The following ESRRG variants were observed in gnomAD, a reference collection of about 807,000 sequenced individuals.
The protein encoded by ESRRG is estrogen-related receptor gamma.
ESRRG carries 13 observed loss-of-function variants against 44.0 expected under a neutral mutation model. The ratio of observed to expected loss-of-function variants is 0.30; its 90% CI spans 0.19 to 0.47. ESRRG has a LOEUF of 0.47. ESRRG is among the 20% of genes least tolerant of loss of function. The probability of loss-of-function intolerance (pLI) is 1.00; values close to 1 mark genes in which losing one functional copy is unlikely to be tolerated. For synonymous variants in ESRRG, 215 were observed against 214.6 expected, an observed-to-expected ratio of 1.00 and a Z score of -0.02; for missense variants, 395 against 580.6, an observed-to-expected ratio of 0.68 and a Z score of 3.29.
intron 1 of ESRRG, among the ~76,000 whole-genome samples, chr1:216,679,148 A>G (rs1445793051): frequency 6.6e-6 from 1 of 152,196 alleles, no homozygotes; most frequent in Non-Finnish European, 1.5e-5. Context: ...CCACGAAAAT[A>G]TCTTCGTACT....
At chr1:217,077,682 G>T (rs2091433678) in intron 1 of ESRRG, among the ~76,000 whole-genome samples, 1 of 152,176 alleles carries the variant, frequency 6.6e-6, no homozygotes, top group Non-Finnish European at 1.5e-5. Context: ...AAACCTCAGT[G>T]GAATGCTCTT....
intron 1 of ESRRG, among the ~76,000 whole-genome samples, chr1:217,069,637 G>T (rs552277258): frequency 2.6e-5 from 4 of 151,580 alleles, no homozygotes; most frequent in South Asian, 2.1e-4. Flanking sequence ...TCTTTTTCTG[G>T]TCCCCTATGC....
chr1:216,999,400 A>G (rs775025029), intron 1 of ESRRG, among the ~76,000 whole-genome samples: 18 of 152,226 alleles, frequency 1.2e-4, no homozygotes, highest in Non-Finnish European at 1.6e-4. Context: ...TCAATACATT[A>G]CATACATTAT....
chr1:216,515,166 G>A (rs1173859215), intron 6 of ESRRG, among the ~76,000 whole-genome samples: 3 of 152,008 alleles, frequency 2.0e-5, no homozygotes, highest in Admixed American at 2.0e-4. Flanking sequence ...ATTCTCAAAG[G>A]AGGTGAAATT....
intron 1 of ESRRG, among the ~76,000 whole-genome samples, chr1:217,051,024 C>T (rs997373627): frequency 6.6e-6 from 1 of 151,990 alleles, no homozygotes; most frequent in Admixed American, 6.6e-5. Flanking sequence ...TTTTTTAAGG[C>T]ATGCACATAG....
At chr1:216,576,351 T>A (rs1558597558) in intron 3 of ESRRG, among the ~76,000 whole-genome samples, 1 of 147,494 alleles carries the variant, frequency 6.8e-6, no homozygotes, top group South Asian at 2.2e-4. Flanking sequence ...TTTTTTTTTT[T>A]AAACAGAGTC....
At chr1:216,969,001 A>G (rs895052278) in intron 1 of ESRRG, among the ~76,000 whole-genome samples, 5 of 152,094 alleles carry the variant, frequency 3.3e-5, no homozygotes, top group African/African-American at 1.2e-4. Flanking sequence ...TTCTGCAAGG[A>G]ATTTTCTTCT....
chr1:216,838,931 G>T (rs1262636508), intron 2 of ESRRG, among the ~76,000 whole-genome samples: 2 of 152,152 alleles, frequency 1.3e-5, no homozygotes, highest in African/African-American at 4.8e-5. Flanking sequence ...GATTAGAGTG[G>T]TGGTTGCTGA....
intron 6 of ESRRG, among the ~76,000 whole-genome samples, chr1:216,510,367 A>T (rs2042344082): frequency 6.6e-6 from 1 of 152,204 alleles, no homozygotes; most frequent in Admixed American, 6.5e-5. Flanking sequence ...TATTAAGTCT[A>T]ACACCTAATA....
At chr1:216,741,790 A>G (rs1026894969) in intron 2 of ESRRG, among the ~76,000 whole-genome samples, 3 of 152,142 alleles carry the variant, frequency 2.0e-5, no homozygotes, top group Non-Finnish European at 2.9e-5. Flanking sequence ...AACCCTCTTG[A>G]TGTCAAAAAA....
chr1:217,096,246 C>T (rs367666044), intron 1 of ESRRG, among the ~76,000 whole-genome samples: 3 of 152,220 alleles, frequency 2.0e-5, no homozygotes, highest in East Asian at 1.9e-4. Context: ...TTTGAGATAG[C>T]GCATTCACTG....
intron 2 of ESRRG, among the ~76,000 whole-genome samples, chr1:216,762,843 A>G (rs891493196): frequency 2.0e-5 from 3 of 152,128 alleles, no homozygotes; most frequent in African/African-American, 7.2e-5. Flanking sequence ...CCCAAAGGAA[A>G]GGGAATACCA....
At chr1:217,133,562 G>A (rs993804198) in intron 1 of ESRRG, among the ~76,000 whole-genome samples, 1 of 152,194 alleles carries the variant, frequency 6.6e-6, no homozygotes, top group Non-Finnish European at 1.5e-5. Flanking sequence ...TTTTCAAACT[G>A]AACAAGGTGG....
In ESRRG at chr1:216,506,833, T is replaced by C. The variant is rs2041319730; in HGVS notation, c.*106A>G. 9 of 1,280,672 alleles carry C rather than the reference T, an allele frequency of 7.0e-6. No homozygotes were observed. The highest frequency in any genetic ancestry group is 4.7e-5 in the East Asian group (2 of 42,828). The allele number at this position is 1,280,672 out of a possible 1,614,324, so 79.3% of individuals were successfully genotyped here. A position where few individuals can be genotyped will look rare whatever the true frequency, so the allele number is the denominator to read the frequency against. Reference sequence around the variant, plus strand: ...GCTGCTAAATTATCAGTGCAGTCTGTTGATTTTTGATGTTGTTAACTAAAC... The same window carrying C: ...GCTGCTAAATTATCAGTGCAGTCTGCTGATTTTTGATGTTGTTAACTAAAC... On this transcript the variant is annotated 3_prime_UTR_variant, in exon 7 of 7. Coordinates refer to ENST00000408911, the MANE Select transcript of ESRRG (RefSeq NM_001438.4).
intron 2 of ESRRG, among the ~76,000 whole-genome samples, chr1:216,857,189 G>T (rs1342872958): frequency 6.6e-6 from 1 of 151,934 alleles, no homozygotes; most frequent in East Asian, 1.9e-4. Flanking sequence ...ACACCAGAGA[G>T]TGTCTGCTAT....
chr1:216,925,915 A>C (rs1390225315), intron 2 of ESRRG, among the ~76,000 whole-genome samples: 2 of 151,594 alleles, frequency 1.3e-5, no homozygotes, highest in African/African-American at 4.9e-5. Context: ...GCACCATGGC[A>C]CTCCAGCCTG....
intron 1 of ESRRG, among the ~76,000 whole-genome samples, chr1:217,072,830 T>G (rs1261812748): frequency 1.3e-5 from 2 of 152,308 alleles, no homozygotes; most frequent in African/African-American, 2.4e-5. Flanking sequence ...GTTTTGCAGC[T>G]CATGTGTTGT....
intron 6 of ESRRG, among the ~76,000 whole-genome samples, chr1:216,509,777 T>C (rs1371503748): frequency 6.6e-6 from 1 of 152,226 alleles, no homozygotes; most frequent in Non-Finnish European, 1.5e-5. Flanking sequence ...GATCTGCTAA[T>C]ACTTTAAATG....
chr1:216,556,226 G>GAA (rs368108710), intron 5 of ESRRG, among the ~76,000 whole-genome samples: 5 of 148,666 alleles, frequency 3.4e-5, no homozygotes, highest in African/African-American at 1.2e-4. Flanking sequence ...AAGAGTGCCA[G>GAA]AAAAAAAAAA....
Sources: allele counts gnomAD v4.1 joint callset (sites outside exome capture counted in the v4.1 genomes callset), GRCh38; gene constraint gnomAD v4.1.1; transcripts MANE v1.5; gene names NCBI Gene and HGNC (gene_info 2026-07-23, HGNC 2026-07-21).